The following RALYL variants were observed in gnomAD, a reference collection of about 807,000 sequenced individuals.
RALYL encodes RNA-binding Raly-like protein.
In RALYL, 29 loss-of-function variants were observed where a neutral mutation model predicts 35.1. The observed-to-expected ratio is 0.83, with a 90% CI of 0.61 to 1.13. The LOEUF is 1.13. Among genes scored for constraint, RALYL ranks in the 50% most tolerant of loss-of-function variants. The probability of loss-of-function intolerance (pLI) is 0.00; values close to 1 mark genes in which losing one functional copy is unlikely to be tolerated. For missense variants in RALYL, 359 were observed against 360.4 expected (o/e 1.00, Z 0.03); for synonymous variants, 120 against 127.6 (o/e 0.94, Z 0.40).
chr8:84,316,321 C>A lies in RALYL; in HGVS notation c.-24+131897C>A, dbSNP rs182162529. On this transcript the variant is annotated intron_variant, in intron 1 of 8. Transcript: ENST00000521268. ...TGGTGGTATTTCTTTCTATAACAAC[C>A]TTTCATATATTCTAAATCATTTATT... Among the ~76,000 whole-genome samples the A allele has an allele frequency of 1.5e-4, 23 of 152,190 alleles. No individual in the cohort carries two copies. The East Asian group carries it at 2.5e-3, about 17-fold the overall frequency.
At chr8:84,762,482 C>T (rs1812950394) in intron 2 of RALYL, among the ~76,000 whole-genome samples, 1 of 152,142 alleles carries the variant, frequency 6.6e-6, no homozygotes, top group Non-Finnish European at 1.5e-5. Flanking sequence ...TACATATGCT[C>T]ATAGACACTT....
intron 1 of RALYL, among the ~76,000 whole-genome samples, chr8:84,195,767 G>A (rs188150495): frequency 3.8e-4 from 58 of 152,200 alleles, no homozygotes; most frequent in African/African-American, 1.3e-3. Context: ...AGTAAAGGGG[G>A]CCAAGTGAGA....
intron 3 of RALYL, among the ~76,000 whole-genome samples, chr8:84,787,686 G>T (rs1022255135): frequency 6.6e-6 from 1 of 152,152 alleles, no homozygotes; most frequent in Non-Finnish European, 1.5e-5. Flanking sequence ...AGTATCTGTT[G>T]TTTCCTGACA....
At chr8:84,493,818 G>A (rs373154789) in intron 1 of RALYL, among the ~76,000 whole-genome samples, 44 of 151,890 alleles carry the variant, frequency 2.9e-4, no homozygotes, top group Non-Finnish European at 5.0e-4. Context: ...TTGTCAGATG[G>A]GTAGATTGCA....
At chr8:84,875,526 G>C (rs879454162) in intron 7 of RALYL, among the ~76,000 whole-genome samples, 13 of 131,868 alleles carry the variant, frequency 9.9e-5, no homozygotes, top group Admixed American at 8.9e-4. Context: ...TCATGAGACA[G>C]TTGCTTTTAA....
chr8:84,888,603 T>C (rs776024166), intron 8 of RALYL, among the ~76,000 whole-genome samples: 3 of 152,218 alleles, frequency 2.0e-5, no homozygotes, highest in Admixed American at 6.5e-5. Flanking sequence ...AGTTTAATAC[T>C]GTACCTTTAG....
In RALYL at chr8:84,774,667, G is replaced by A. The variant is rs1308745323; in HGVS notation, c.332+13G>A. 3.2e-6 allele frequency: 5 copies of A among 1,582,522 alleles called. No individual in the cohort carries two copies. The highest frequency in any genetic ancestry group is 1.7e-4 in the Middle Eastern group (1 of 6,024). The stretch of plus-strand genomic sequence containing the variant: ...CTGCACTTTACAGGTAAGTAGATAA[G>A]CACTGTTTTACTCTATATATTAGTG... On this transcript the variant is annotated intron_variant, in intron 3 of 8. Transcript: ENST00000521268.
rs1273686150 is a variant in RALYL at position 84,887,629 on chromosome 8, G to T, written c.711G>T (p.Glu237Asp). The change falls in exon 8 of 9, where the codon GAG becomes GAT. Residue 237 changes from glutamate to aspartate, a missense_variant. Glu to Asp is a conservative substitution (Grantham distance 45). Transcript: ENST00000521268. ...AAGCTCAGAAGAAGCAATTGGAAGA[G>T]AGTCTAGTGCTGATCCAAGAGGAAT... ...EAEAQKKQLE[E>D]SLVLIQEECV... 1 of 1,609,680 alleles carries T rather than the reference G, an allele frequency of 6.2e-7. No homozygotes were observed. The highest frequency in any genetic ancestry group is 8.5e-7 in the Non-Finnish European group (1 of 1,178,184).
rs565852588 is a variant in RALYL at position 84,496,263 on chromosome 8, C to T, written c.-23-33036C>T. ...TATATTGGTCCATTTGGACCCCAGT[C>T]TCATCTACATGTGAATAAGCAAGGT... On this transcript the variant is annotated intron_variant, in intron 1 of 8. Transcript: ENST00000521268. Among the ~76,000 whole-genome samples, 15 of 152,208 alleles carry T rather than the reference C, an allele frequency of 9.9e-5. No homozygotes were observed. In the South Asian group the frequency reaches 3.1e-3, roughly 32 times the overall value.
rs16913070 is a variant in RALYL at position 84,661,881 on chromosome 8, C to T, written c.257-112698C>T. 3.4e-3 allele frequency among the ~76,000 whole-genome samples: 508 copies of T among 150,716 alleles called. 3 individuals carry two copies. Among genetic ancestry groups the T allele is most frequent in the African/African-American group, 0.012 (491 of 41,236 alleles). ...GTGTAGAAGGAATTATGCAAAACCC[C>T]TTTTCACATTTCTTTGAGCTGGAGC... On this transcript the variant is annotated intron_variant, in intron 2 of 8. Transcript: ENST00000521268.
chr8:84,290,537 C>G (rs1347969881), intron 1 of RALYL, among the ~76,000 whole-genome samples: 2 of 151,984 alleles, frequency 1.3e-5, no homozygotes, highest in African/African-American at 4.8e-5. Flanking sequence ...GCTTTTTGAG[C>G]CAGGATGAGC....
intron 1 of RALYL, among the ~76,000 whole-genome samples, chr8:84,327,694 T>A (rs964350656): frequency 4.0e-5 from 6 of 150,300 alleles, no homozygotes; most frequent in Non-Finnish European, 7.4e-5. Context: ...AAAAAAAAAA[T>A]TGCCATTCCC....
chr8:84,909,451 A>G (rs1365279456), intron 8 of RALYL, among the ~76,000 whole-genome samples: 1 of 152,212 alleles, frequency 6.6e-6, no homozygotes, highest in Non-Finnish European at 1.5e-5. Context: ...TTTTGAATAA[A>G]CCTTCTATTT....
chr8:84,470,633 G>C (rs13257448), intron 1 of RALYL, among the ~76,000 whole-genome samples: 1 of 151,960 alleles, frequency 6.6e-6, no homozygotes, highest in South Asian at 2.1e-4. Context: ...AGGTACATCA[G>C]ATGTGAATGC....
intron 2 of RALYL, among the ~76,000 whole-genome samples, chr8:84,702,622 C>A (rs1246080931): frequency 6.6e-6 from 1 of 151,750 alleles, no homozygotes. Flanking sequence ...TCACTCTCCC[C>A]TCTTTCTTCC....
rs528743655 is a variant in RALYL, at chr8:84,230,305, C to T, written c.-24+45881C>T. ...TATGAAATTCTCAAAACAATGTATACATGGAGAGTTGCAACCAACCCTAAA... is the reference window on the plus strand; with the variant it reads ...TATGAAATTCTCAAAACAATGTATATATGGAGAGTTGCAACCAACCCTAAA... On this transcript the variant is annotated intron_variant, in intron 1 of 8. Coordinates refer to ENST00000521268, the MANE Select transcript of RALYL (RefSeq NM_173848.7). Among the ~76,000 whole-genome samples the T allele has an allele frequency of 4.6e-5, 7 of 152,018 alleles. No individual in the cohort carries two copies. In the South Asian group the frequency reaches 6.2e-4, roughly 14 times the overall value.
chr8:84,619,560 G>A (rs1820766142), intron 2 of RALYL, among the ~76,000 whole-genome samples: 1 of 147,178 alleles, frequency 6.8e-6, no homozygotes, highest in African/African-American at 2.6e-5. Context: ...TTGCCAGTCT[G>A]TGTCTTTTAA....
chr8:84,597,269 C>G (rs2130672900), intron 2 of RALYL, among the ~76,000 whole-genome samples: 1 of 152,256 alleles, frequency 6.6e-6, no homozygotes, highest in South Asian at 2.1e-4. Context: ...AGGTCCTAAA[C>G]CAGACTTTCT....
chr8:84,513,132 A>C (rs1194555111), intron 1 of RALYL, among the ~76,000 whole-genome samples: 1 of 152,122 alleles, frequency 6.6e-6, no homozygotes, highest in Non-Finnish European at 1.5e-5. Flanking sequence ...TTAAAAATTA[A>C]CTTTTCATTC....
Sources: gnomAD v4.1 joint callset for allele counts (sites outside exome capture counted in the v4.1 genomes callset) on GRCh38, gnomAD v4.1.1 for gene constraint, MANE v1.5 for transcripts, NCBI Gene and HGNC (gene_info 2026-07-23, HGNC 2026-07-21) for gene names.